Variants in GRIN3A observed in about 807,000 individuals in gnomAD.
The protein encoded by GRIN3A is glutamate ionotropic receptor NMDA type subunit 3A, also known as glutamate receptor ionotropic, NMDA 3A.
GRIN3A carries 47 observed loss-of-function variants against 92.4 expected under a neutral mutation model. That is an observed-to-expected ratio of 0.51 (90% CI 0.40 to 0.65). The LOEUF (loss-of-function observed/expected upper bound fraction) is 0.65, where lower values mean the gene tolerates loss of function less well. Ranked by LOEUF, GRIN3A falls within the 30% of genes least tolerant of loss-of-function variation. The pLI, the probability that GRIN3A is intolerant of heterozygous loss-of-function variation, is 0.00. For missense variants in GRIN3A, 1,324 were observed against 1,393.1 expected, an observed-to-expected ratio of 0.95 and a Z score of 0.79; for synonymous variants, 527 against 540.6, an observed-to-expected ratio of 0.97 and a Z score of 0.35.
At chr9:101,606,178 C>A (rs1379004894) in intron 6 of GRIN3A, among the ~76,000 whole-genome samples, 1 of 152,208 alleles carries the variant, frequency 6.6e-6, no homozygotes, top group African/African-American at 2.4e-5. Flanking sequence ...GGGTTGCGGC[C>A]ACTTTTCTGT....
At chr9:101,675,490 T>C (rs1161819788) in intron 2 of GRIN3A, among the ~76,000 whole-genome samples, 1 of 151,978 alleles carries the variant, frequency 6.6e-6, no homozygotes, top group Non-Finnish European at 1.5e-5. Context: ...CATTCAATCA[T>C]CTATTTATTC....
chr9:101,670,691 T>C lies in GRIN3A; in HGVS notation c.1721A>G (p.Lys574Arg). The change falls in exon 3 of 9, where the codon AAG (lysine) becomes AGG (arginine). Residue 574 changes from lysine (K) to arginine (R), a missense_variant. Coordinates refer to ENST00000361820, the MANE Select transcript of GRIN3A (RefSeq NM_133445.3). ...ATCAATGCAATATCCATAGCAGCAC[T>C]TCTTGAATTTAATGGGCACTGTATC... ...SNDTVPIKFK[K>R]CCYGYCIDLL... 6.2e-7 allele frequency: 1 copy of C among 1,614,086 alleles called. No individual in the cohort carries two copies.
intron 5 of GRIN3A, among the ~76,000 whole-genome samples, chr9:101,619,278 T>C (rs1321303006): frequency 6.6e-6 from 1 of 152,064 alleles, no homozygotes; most frequent in African/African-American, 2.4e-5. Context: ...GGGATAATGG[T>C]TGAGAACATA....
intron 6 of GRIN3A, among the ~76,000 whole-genome samples, chr9:101,585,817 TG>T (rs1183935080): frequency 6.6e-6 from 1 of 152,200 alleles, no homozygotes; most frequent in African/African-American, 2.4e-5. Context: ...TGAGAATGAC[TG>T]TCATGTCACT....
At chr9:101,726,958 G>A (rs1380254777) in intron 1 of GRIN3A, among the ~76,000 whole-genome samples, 1 of 151,974 alleles carries the variant, frequency 6.6e-6, no homozygotes, top group Non-Finnish European at 1.5e-5. Flanking sequence ...TATTATAAGG[G>A]ATCAAGGACA....
intron 2 of GRIN3A, among the ~76,000 whole-genome samples, chr9:101,675,663 A>AG (rs919785487): frequency 1.4e-5 from 2 of 140,074 alleles, no homozygotes; most frequent in East Asian, 2.9e-4. Flanking sequence ...TTGACATAGG[A>AG]GGGGTTTTTT....
At chr9:101,592,398 T>A (rs1243722451) in intron 6 of GRIN3A, 1 of 152,218 alleles carries the variant, frequency 6.6e-6, no homozygotes, top group Non-Finnish European at 1.5e-5. Flanking sequence ...GTGCTCCAGG[T>A]GTGTTGCATG....
intron 3 of GRIN3A, among the ~76,000 whole-genome samples, chr9:101,640,515 G>A (rs1313956169): frequency 1.3e-5 from 2 of 152,186 alleles, no homozygotes. Flanking sequence ...TGGAACTATG[G>A]CTTACATACA....
chr9:101,580,370 C>G (rs1485978589), intron 6 of GRIN3A, among the ~76,000 whole-genome samples: 1 of 152,088 alleles, frequency 6.6e-6, no homozygotes, highest in Non-Finnish European at 1.5e-5. Context: ...TGCAAATGGC[C>G]CCTGGAGTTG....
intron 2 of GRIN3A, among the ~76,000 whole-genome samples, chr9:101,675,133 G>T (rs1212854183): frequency 1.3e-5 from 2 of 151,978 alleles, no homozygotes; most frequent in African/African-American, 2.4e-5. Context: ...TGAGAACCTT[G>T]TTTAGTGAGT....
At position 101,687,078 on chromosome 9, in the gene GRIN3A, C is replaced by T. The variant is rs1348195697; in HGVS notation, c.822G>A (p.Trp274Ter). 2 of 1,613,978 alleles carry T rather than the reference C, an allele frequency of 1.2e-6. No homozygotes were observed. The highest frequency in any genetic ancestry group is 2.7e-5 in the African/African-American group (2 of 74,896). Reference sequence around the variant, plus strand: ...TAAGGAGGAGGAAGTCGGTGATGTTCCAGTCTTCCTGGCACAGCAACAAGC... The same window carrying T: ...TAAGGAGGAGGAAGTCGGTGATGTTTCAGTCTTCCTGGCACAGCAACAAGC... The part of the protein sequence containing the change: ...NFSLLLCQED[W>*]NITDFLLLTQ... Residue 274 changes from tryptophan to a stop codon, truncating the protein, a stop_gained, in exon 2 of 9, where the codon TGG becomes TGA. Coordinates refer to ENST00000361820, the MANE Select transcript of GRIN3A (RefSeq NM_133445.3). LOFTEE classifies it high-confidence loss of function.
chr9:101,703,197 C>G (rs1021679345), intron 1 of GRIN3A, among the ~76,000 whole-genome samples: 4 of 152,166 alleles, frequency 2.6e-5, no homozygotes, highest in Non-Finnish European at 5.9e-5. Flanking sequence ...AAGCAAAATA[C>G]AAGCTCTTTA....
At chr9:101,638,113 A>G (rs1464192946) in intron 3 of GRIN3A, among the ~76,000 whole-genome samples, 1 of 152,174 alleles carries the variant, frequency 6.6e-6, no homozygotes, top group Non-Finnish European at 1.5e-5. Context: ...ACATCTGTGA[A>G]ATAGCACTGC....
chr9:101,630,243 T>C (rs984470180), intron 3 of GRIN3A, among the ~76,000 whole-genome samples: 3 of 152,142 alleles, frequency 2.0e-5, no homozygotes, highest in African/African-American at 2.4e-5. Context: ...ATATAAAATA[T>C]GTAGGCAAAG....
At chr9:101,621,141 G>A (rs942708930) in intron 5 of GRIN3A, among the ~76,000 whole-genome samples, 3 of 151,696 alleles carry the variant, frequency 2.0e-5, no homozygotes, top group East Asian at 2.0e-4. Flanking sequence ...AAAAATTAGC[G>A]GGGTGTGGTG....
chr9:101,686,686 A>C lies in GRIN3A; in HGVS notation c.1214T>G (p.Met405Arg), dbSNP rs1028888626. The C allele has an allele frequency of 2.5e-6, 4 of 1,614,094 alleles. No homozygotes were observed. The African/African-American group carries it at 5.3e-5, about 22-fold the overall frequency. Residue 405 changes from methionine to arginine, a missense_variant, in exon 2 of 9, where the codon ATG (methionine) becomes AGG (arginine). Physicochemically the swap from Met to Arg is moderately conservative, Grantham distance 91 (BLOSUM62 -1). Transcript: ENST00000361820. ...LVARAVATATMIQPELALIPS... is the reference protein window; with the variant it reads ...LVARAVATATRIQPELALIPS... ...AATGAGAGCAAGTTCTGGTTGGATC[A>C]TGGTGGCTGTGGCTACAGCTCTTGC...
Position 101,670,794 on chromosome 9 carries a change from C to T in GRIN3A, c.1618G>A (p.Gly540Ser). The change falls in exon 3 of 9, where the codon GGC becomes AGC. Residue 540 changes from glycine (G) to serine (S), a missense_variant. Coordinates refer to ENST00000361820, the MANE Select transcript of GRIN3A (RefSeq NM_133445.3). ...EVDDEGLCPAGQLCLDPMTND... is the reference protein window; with the variant it reads ...EVDDEGLCPASQLCLDPMTND... ...GTCATGGGGTCTAGACAGAGTTGGC[C>T]AGCAGGGCACAAGCCTTCATCATCT... is the stretch of plus-strand genomic sequence containing the variant. 2 of 1,614,056 alleles carry T rather than the reference C, an allele frequency of 1.2e-6. No homozygotes were observed. The highest frequency in any genetic ancestry group is 1.7e-6 in the Non-Finnish European group (2 of 1,179,972).
chr9:101,582,220 C>G (rs1827896158), intron 6 of GRIN3A, among the ~76,000 whole-genome samples: 1 of 152,190 alleles, frequency 6.6e-6, no homozygotes, highest in Non-Finnish European at 1.5e-5. Context: ...ATAGGGAAGT[C>G]TATCTGGGGG....
At chr9:101,710,083 G>A (rs1265970801) in intron 1 of GRIN3A, among the ~76,000 whole-genome samples, 1 of 152,084 alleles carries the variant, frequency 6.6e-6, no homozygotes, top group African/African-American at 2.4e-5. Context: ...TTTGGGGTCC[G>A]GGAGAAGAAA....
Sources: allele counts gnomAD v4.1 joint callset (sites outside exome capture counted in the v4.1 genomes callset), GRCh38; gene constraint gnomAD v4.1.1; transcripts MANE v1.5; gene names NCBI Gene and HGNC (gene_info 2026-07-23, HGNC 2026-07-21).